Variants in RTEL1 observed in about 807,000 individuals in gnomAD.
The protein encoded by RTEL1 is regulator of telomere length.
Under a neutral mutation model 162.2 loss-of-function variants are expected in RTEL1, and 86 were observed. That is an observed-to-expected ratio of 0.53 (90% CI 0.45 to 0.63). RTEL1 has a LOEUF of 0.63. RTEL1 is among the 30% of genes least tolerant of loss of function. The probability of loss-of-function intolerance (pLI) is 0.00; values close to 1 mark genes in which losing one functional copy is unlikely to be tolerated. For synonymous variants in RTEL1, 958 were observed against 717.9 expected (o/e 1.33, Z -5.35); for missense variants, 1,941 against 1,750.2 (o/e 1.11, Z -1.95).
At chr20:63,678,910 A>C (rs1042557780) in intron 12 of RTEL1, among the ~76,000 whole-genome samples, 3 of 144,232 alleles carry the variant, frequency 2.1e-5, no homozygotes, top group East Asian at 4.2e-4. Flanking sequence ...GCACACACAC[A>C]CCCACGGAAC....
At chr20:63,672,310 G>A (rs572464662) in intron 8 of RTEL1, among the ~76,000 whole-genome samples, 2 of 152,208 alleles carry the variant, frequency 1.3e-5, no homozygotes, top group African/African-American at 2.4e-5. Flanking sequence ...CATCGTGGCC[G>A]TCTGTCTTGC....
In RTEL1 at chr20:63,693,137, C is replaced by G; in HGVS notation, c.2852-6C>G. 1.2e-6 allele frequency: 2 copies of G among 1,612,244 alleles called. No individual in the cohort carries two copies. The highest frequency in any genetic ancestry group is 1.1e-5 in the South Asian group (1 of 91,090). ...CAGATGGGGACAGACGCCCCTTCCT[C>G]TACAGGCTTCTACCAGTTTGTGCGG... On this transcript the variant is annotated splice_polypyrimidine_tract_variant and splice_region_variant and intron_variant, in intron 29 of 34. Coordinates refer to ENST00000360203, the MANE Select transcript of RTEL1 (RefSeq NM_001283009.2).
chr20:63,690,503 G>GGGGGGGGGGGGGC, intron 26 of RTEL1, 62 bp downstream of exon 26: 5 of 1,028,412 alleles, frequency 4.9e-6, no homozygotes, highest in East Asian at 2.6e-5. Flanking sequence ...CGTGGGGCGG[G>GGGGGGGGGGGGGC]CAGCACCAGG....
rs3848671 is a variant in RTEL1, at chr20:63,692,813, C to T, written c.2661C>T (p.Pro887=). 1.5e-3 allele frequency: 2,469 copies of T among 1,610,740 alleles called. 4 individuals carry two copies. The highest frequency in any genetic ancestry group is 2.5e-3 in the Admixed American group (150 of 59,966). The part of the protein sequence containing the change: ...KIRLVSHPEE[P]VAGAQTDRAK... ...GGGCCTGTGTCCTGCAGGAGGAGCC[C>T]GTGGCTGGTGCACAGACGGACAGGG... Residue 887 remains proline (P), a synonymous_variant, in exon 29 of 35, where the codon CCC becomes CCT. Transcript: ENST00000360203.
chr20:63,687,329 G>A (rs997185505), intron 16 of RTEL1: 7 of 318,310 alleles, frequency 2.2e-5, no homozygotes, highest in Admixed American at 4.6e-5. Flanking sequence ...GCCCTGAGCC[G>A]CATGTCACAG....
At chr20:63,666,288 G>A (rs768854109) in intron 7 of RTEL1, among the ~76,000 whole-genome samples, 18 of 152,378 alleles carry the variant, frequency 1.2e-4, no homozygotes, top group Non-Finnish European at 2.4e-4. Flanking sequence ...AGCCATCCCC[G>A]GTGGCCACCG....
chr20:63,687,493 C>G, intron 16 of RTEL1, 145 bp from the exon 17 acceptor site: 2 of 953,582 alleles, frequency 2.1e-6, no homozygotes, highest in South Asian at 3.4e-5. Context: ...TTTGTTCTGA[C>G]TTCTGCACAG....
Position 63,667,496 on chromosome 20 carries a change from C to T in RTEL1, c.642C>T (p.Asn214=), listed in dbSNP as rs1280092656. Reference sequence around the variant, plus strand: ...TGTGCCCTTACTACCTGTCCCGGAACCTGAAGCAGCAAGCCGACATCATAT... The same window carrying T: ...TGTGCCCTTACTACCTGTCCCGGAATCTGAAGCAGCAAGCCGACATCATAT... ...HRVCPYYLSR[N]LKQQADIIFM... The change falls in exon 8 of 35, where the codon AAC becomes AAT. Residue 214 remains asparagine (N), a synonymous_variant. Coordinates refer to ENST00000360203, the MANE Select transcript of RTEL1 (RefSeq NM_001283009.2). 1 of 1,614,062 alleles carries T rather than the reference C, an allele frequency of 6.2e-7. No homozygotes were observed. Among genetic ancestry groups the T allele is most frequent in the Non-Finnish European group, 8.5e-7 (1 of 1,179,914 alleles).
rs201048872 is a variant in RTEL1 at position 63,688,386 on chromosome 20, G to A, written c.1722G>A (p.Arg574=). 6.2e-7 allele frequency: 1 copy of A among 1,612,586 alleles called. No homozygotes were observed. Among genetic ancestry groups the A allele is most frequent in the African/African-American group, 1.3e-5 (1 of 75,070 alleles). Residue 574 remains arginine (R), a splice_region_variant and synonymous_variant, in exon 20 of 35, where the codon CGG becomes CGA. Coordinates refer to ENST00000360203, the MANE Select transcript of RTEL1 (RefSeq NM_001283009.2). ...TGGAGAAGAGCCTGGAGTTCTGGCG[G>A]GTGCGTCTCCCCTGTGTTCTGGGCG... is the stretch of plus-strand genomic sequence containing the variant. ...PVMEKSLEFW[R]ARDLARKMEA...
In RTEL1 at chr20:63,659,359, C is replaced by G. The variant is rs537744603; in HGVS notation, c.-44C>G. 8 of 1,450,350 alleles carry G rather than the reference C, an allele frequency of 5.5e-6. No homozygotes were observed. In the African/African-American group the frequency reaches 9.8e-5, roughly 18 times the overall value. The allele number at this position is 1,450,350 out of a possible 1,614,324, so 89.8% of individuals were successfully genotyped here. A position where few individuals can be genotyped will look rare whatever the true frequency, so the allele number is the denominator to read the frequency against. ...GTTTTTTCGCACAGACCCGAATAGC[C>G]TGCCCCTCAGCCACGCTCTGTGCCC... On this transcript the variant is annotated 5_prime_UTR_variant, in exon 2 of 35. Transcript: ENST00000360203.
chr20:63,692,665 CCAGCCAGTTTCTCAGG>C, intron 28 of RTEL1, 124 bp from the exon 29 acceptor site: 1 of 799,462 alleles, frequency 1.3e-6, no homozygotes, highest in East Asian at 2.7e-5. Context: ...GTCCATCCAG[CCAGCCAGTTTCTCAGG>C]CAGCAGCCCC....
chr20:63,687,766 C>G lies in RTEL1; in HGVS notation c.1477C>G (p.Gln493Glu), dbSNP rs372871657. ...APVSSFALEM[Q>E]IPFPVCLENP... The stretch of plus-strand genomic sequence containing the variant: ...GGTGTCCTCCTTTGCTCTGGAGATG[C>G]AGATGTACGGGCCACCCCTGCCAGG... Residue 493 changes from glutamine (Q) to glutamate (E), a missense_variant, in exon 17 of 35, where the codon CAG becomes GAG. Coordinates refer to ENST00000360203, the MANE Select transcript of RTEL1 (RefSeq NM_001283009.2). 1.3e-6 allele frequency: 2 copies of G among 1,572,342 alleles called. No homozygotes were observed. The highest frequency in any genetic ancestry group is 2.7e-5 in the African/African-American group (2 of 74,086).
rs1447966947 is a variant in RTEL1 at position 63,689,743 on chromosome 20, C to T, written c.2026-7C>T. 1 of 1,610,734 alleles carries T rather than the reference C, an allele frequency of 6.2e-7. No homozygotes were observed. The highest frequency in any genetic ancestry group is 1.3e-5 in the African/African-American group (1 of 74,908). On this transcript the variant is annotated splice_polypyrimidine_tract_variant and splice_region_variant and intron_variant, in intron 23 of 34. Transcript: ENST00000360203. ...AGCCCCCGTGACCGAGCCGCCTCGC[C>T]CCACAGTTCCTCTCTGGGCAGGAGT...
At chr20:63,663,905 C>T (rs1196788647) in intron 6 of RTEL1, among the ~76,000 whole-genome samples, 1 of 152,184 alleles carries the variant, frequency 6.6e-6, no homozygotes, top group Non-Finnish European at 1.5e-5. Context: ...CCCGCATGAC[C>T]CACTACCAGG....
At chr20:63,660,727 G>A (rs1215900792) in intron 2 of RTEL1, 1 of 156,912 alleles carries the variant, frequency 6.4e-6, no homozygotes, top group Non-Finnish European at 1.4e-5. Flanking sequence ...CTGAGGAGCA[G>A]CTGATATTCA....
intron 7 of RTEL1, among the ~76,000 whole-genome samples, chr20:63,666,867 T>G (rs1161135159): frequency 4.2e-5 from 5 of 118,668 alleles, no homozygotes; most frequent in Admixed American, 1.1e-4. Context: ...TGAGACGGAG[T>G]CTCGCTCTGT....
At position 63,661,326 on chromosome 20, in the gene RTEL1, C is replaced by T. The variant is rs1044603913; in HGVS notation, c.131C>T (p.Thr44Met). 3 of 1,612,590 alleles carry T rather than the reference C, an allele frequency of 1.9e-6. No individual in the cohort carries two copies. Among genetic ancestry groups the T allele is most frequent in the Admixed American group, 1.7e-5 (1 of 60,004 alleles). Residue 44 changes from threonine (T) to methionine (M), a missense_variant, in exon 3 of 35, where the codon ACG becomes ATG. By Grantham distance (81) the Thr-to-Met change is moderately conservative (BLOSUM62 -1). Coordinates refer to ENST00000360203, the MANE Select transcript of RTEL1 (RefSeq NM_001283009.2). The surrounding 1 kb of genome is among the most constrained non-coding windows in gnomAD (Gnocchi z 5.1). ...QKVNGILESP[T>M]GTGKTLCLLC... The stretch of plus-strand genomic sequence containing the variant: ...GTGAATGGCATCCTGGAGAGCCCTA[C>T]GGGTACAGGGAAGACGCTGTGCCTG...
intron 26 of RTEL1, 31 bp downstream of exon 26, chr20:63,690,472 T>TGGGGGGGGGGGGGGGGGGGGGGGG: frequency 1.9e-6 from 1 of 522,122 alleles, no homozygotes; most frequent in East Asian, 5.1e-5. Context: ...GTGGGCGGTG[T>TGGGGGGGGGGGGGGGGGGGGGGGG]GGGGGTGGCG....
At chr20:63,687,545 G>A (rs2090624876) in intron 16 of RTEL1, 93 bp from the exon 17 acceptor site, 1 of 1,377,994 alleles carries the variant, frequency 7.3e-7, no homozygotes, top group Non-Finnish European at 9.7e-7. Flanking sequence ...CTTGATGCCA[G>A]TGGGTGGAGA....
Sources: gnomAD v4.1 joint callset for allele counts (sites outside exome capture counted in the v4.1 genomes callset) on GRCh38, gnomAD v4.1.1 for gene constraint, Gnocchi (gnomAD v3.1) non-coding constraint, MANE v1.5 for transcripts, NCBI Gene and HGNC (gene_info 2026-07-23, HGNC 2026-07-21) for gene names.